The following UNC5D variants were observed in gnomAD, a reference collection of about 807,000 sequenced individuals.
UNC5D encodes netrin receptor UNC5D.
A neutral mutation model predicts 105.4 loss-of-function variants in UNC5D; 39 were observed. That is an observed-to-expected ratio of 0.37 (90% CI 0.29 to 0.48). The LOEUF is 0.48. Among genes scored for constraint, UNC5D ranks in the 20% least tolerant of loss-of-function variants. The pLI is 0.98. For missense variants in UNC5D, 991 were observed against 1,202.4 expected, an observed-to-expected ratio of 0.82 and a Z score of 2.60; for synonymous variants, 452 against 450.4, an observed-to-expected ratio of 1.00 and a Z score of -0.04.
At chr8:35,271,677 A>ATATATGTATACATGTATACATG (rs1805363029) in intron 1 of UNC5D, among the ~76,000 whole-genome samples, 2 of 37,764 alleles carry the variant, frequency 5.3e-5, no homozygotes, top group Non-Finnish European at 1.2e-4. Context: ...AGGTATACAT[A>ATATATGTATACATGTATACATG]TATATGTATA....
chr8:35,457,502 A>G (rs1195450412), intron 1 of UNC5D, among the ~76,000 whole-genome samples: 1 of 152,198 alleles, frequency 6.6e-6, no homozygotes, highest in African/African-American at 2.4e-5. Flanking sequence ...AGGTACTGAT[A>G]ACTTACCAAG....
intron 1 of UNC5D, among the ~76,000 whole-genome samples, chr8:35,448,960 G>A (rs1325734069): frequency 6.6e-6 from 1 of 152,044 alleles, no homozygotes; most frequent in African/African-American, 2.4e-5. Flanking sequence ...TTTTATCACT[G>A]AGTAGTATTC....
intron 4 of UNC5D, among the ~76,000 whole-genome samples, chr8:35,596,546 G>A (rs545949703): frequency 2.6e-5 from 4 of 152,064 alleles, no homozygotes; most frequent in Non-Finnish European, 4.4e-5. Flanking sequence ...ACACAGCCTC[G>A]GGAGGTCCTG....
intron 1 of UNC5D, among the ~76,000 whole-genome samples, chr8:35,467,701 T>C (rs1386996689): frequency 6.6e-6 from 1 of 152,138 alleles, no homozygotes; most frequent in Admixed American, 6.6e-5. Flanking sequence ...GTATCTATTT[T>C]AGGGCAAAAC....
chr8:35,638,740 T>C (rs1175203367), intron 4 of UNC5D, among the ~76,000 whole-genome samples: 2 of 152,020 alleles, frequency 1.3e-5, no homozygotes, highest in African/African-American at 4.8e-5. Context: ...TTGGAGGTGA[T>C]AGTGAGCCGT....
At chr8:35,550,441 G>T (rs982334493) in intron 2 of UNC5D, among the ~76,000 whole-genome samples, 1 of 151,950 alleles carries the variant, frequency 6.6e-6, no homozygotes, top group Non-Finnish European at 1.5e-5. Context: ...TTTTTAGATG[G>T]TCAACTGCTT....
chr8:35,550,399 AT>A (rs1301848313), intron 2 of UNC5D, among the ~76,000 whole-genome samples: 1 of 152,152 alleles, frequency 6.6e-6, no homozygotes, highest in Non-Finnish European at 1.5e-5. Context: ...CTCAGACAAG[AT>A]CCAATCTGGT....
rs552915544 is a variant in UNC5D, at chr8:35,525,870, G to T, written c.104-23422G>T. 34 of 1,211,254 alleles carry T rather than the reference G, an allele frequency of 2.8e-5. No individual in the cohort carries two copies. In the Admixed American group the frequency reaches 9.8e-4, roughly 35 times the overall value. 75.0% of individuals were successfully genotyped at this position (1,211,254 alleles called of 1,614,324 possible). ...TTTAGTCATAGTAAAATCCAGTTTA[G>T]CTATTAAAAAAGAAAATTTTCTTTT... On this transcript the variant is annotated intron_variant, in intron 1 of 16. Transcript: ENST00000404895.
At position 35,762,250 on chromosome 8, in the gene UNC5D, A is replaced by G. The variant is rs542361847; in HGVS notation, c.2313+2781A>G. ...CAGACACCAGCAAACTGCATGAGAA[A>G]TGTTTTTAGAATGGTGTGAGTTCAA... On this transcript the variant is annotated intron_variant, in intron 14 of 16. Transcript: ENST00000404895. Among the ~76,000 whole-genome samples, 90 of 152,284 alleles carry G rather than the reference A, an allele frequency of 5.9e-4. 3 individuals carry two copies. In the South Asian group the frequency reaches 0.016, roughly 26 times the overall value.
At chr8:35,621,109 A>G (rs1321247769) in intron 4 of UNC5D, among the ~76,000 whole-genome samples, 1 of 152,222 alleles carries the variant, frequency 6.6e-6, no homozygotes, top group African/African-American at 2.4e-5. Context: ...GTCAGCAGGC[A>G]TTGCCAAATG....
At chr8:35,471,253 A>G (rs1809702754) in intron 1 of UNC5D, among the ~76,000 whole-genome samples, 1 of 152,192 alleles carries the variant, frequency 6.6e-6, no homozygotes, top group South Asian at 2.1e-4. Context: ...AGTAGTAACT[A>G]TACCAGGAGA....
chr8:35,613,866 C>T (rs1001931598), intron 4 of UNC5D, among the ~76,000 whole-genome samples: 14 of 152,074 alleles, frequency 9.2e-5, no homozygotes, highest in Non-Finnish European at 1.8e-4. Context: ...CAAACAAAAA[C>T]CCTGCACATT....
rs546743640 is a variant in UNC5D at position 35,672,373 on chromosome 8, T to C, written c.571-11174T>C. On this transcript the variant is annotated intron_variant, in intron 4 of 16. Transcript: ENST00000404895. ...GTTTTCATTGCCTTTAAAAGCCAGC[T>C]CCTTATAATCTATCTTAGAGAGGTC... 2.0e-5 allele frequency among the ~76,000 whole-genome samples: 3 copies of C among 152,286 alleles called. No individual in the cohort carries two copies. The South Asian group carries it at 6.2e-4, about 32-fold the overall frequency.
chr8:35,727,997 G>A (rs1258401928), intron 10 of UNC5D: 4 of 146,682 alleles, frequency 2.7e-5, no homozygotes, highest in African/African-American at 7.5e-5. Context: ...AGCTACTCAG[G>A]AGGCTGAGGT....
At chr8:35,603,800 G>A (rs943740838) in intron 4 of UNC5D, among the ~76,000 whole-genome samples, 8 of 152,032 alleles carry the variant, frequency 5.3e-5, no homozygotes, top group African/African-American at 1.4e-4. Flanking sequence ...TTATGTAATG[G>A]CCTTCTTTGT....
chr8:35,717,220 C>T (rs1201985185), intron 8 of UNC5D, among the ~76,000 whole-genome samples: 1 of 152,210 alleles, frequency 6.6e-6, no homozygotes, highest in African/African-American at 2.4e-5. Context: ...GAAAGGTACT[C>T]GCTACGCTCC....
At chr8:35,522,160 T>G (rs1813531283) in intron 1 of UNC5D, among the ~76,000 whole-genome samples, 1 of 152,206 alleles carries the variant, frequency 6.6e-6, no homozygotes, top group Non-Finnish European at 1.5e-5. Flanking sequence ...AATTAACATT[T>G]ATATTTTTTT....
At chr8:35,461,689 G>T (rs979104109) in intron 1 of UNC5D, among the ~76,000 whole-genome samples, 1 of 152,138 alleles carries the variant, frequency 6.6e-6, no homozygotes, top group Non-Finnish European at 1.5e-5. Flanking sequence ...CTTCATTTGC[G>T]CTCACAGCAC....
chr8:35,538,271 T>C (rs531551501), intron 1 of UNC5D, among the ~76,000 whole-genome samples: 17 of 150,398 alleles, frequency 1.1e-4, no homozygotes, highest in Non-Finnish European at 2.4e-4. Flanking sequence ...TTTAGATTCC[T>C]AAAAGAATTG....
Sources: gnomAD v4.1 joint callset for allele counts (sites outside exome capture counted in the v4.1 genomes callset) on GRCh38, gnomAD v4.1.1 for gene constraint, MANE v1.5 for transcripts, NCBI Gene and HGNC (gene_info 2026-07-23, HGNC 2026-07-21) for gene names.